Variants in KCNN2 observed in about 807,000 individuals in gnomAD.
KCNN2 encodes the protein small conductance calcium-activated potassium channel protein 2.
KCNN2 carries 24 observed loss-of-function variants against 55.5 expected under a neutral mutation model. The ratio of observed to expected loss-of-function variants is 0.43; its 90% confidence interval spans 0.31 to 0.61. The LOEUF is 0.61. KCNN2 is among the 20% of genes least tolerant of loss of function. The pLI, the probability that KCNN2 is intolerant of heterozygous loss-of-function variation, is 0.08. For missense variants in KCNN2, 754 were observed against 853.6 expected, an observed-to-expected ratio of 0.88 and a Z score of 1.45; for synonymous variants, 431 against 336.1, an observed-to-expected ratio of 1.28 and a Z score of -3.09.
intron 1 of KCNN2, among the ~76,000 whole-genome samples, chr5:114,088,711 C>T (rs1374999841): frequency 6.6e-6 from 1 of 152,150 alleles, no homozygotes; most frequent in Non-Finnish European, 1.5e-5. Context: ...CCTCTGCCTC[C>T]TGGGTTAAGA....
intron 1 of KCNN2, among the ~76,000 whole-genome samples, chr5:114,192,667 C>T (rs771946592): frequency 4.6e-5 from 7 of 152,048 alleles, no homozygotes; most frequent in South Asian, 4.1e-4. Context: ...GGTCATATGT[C>T]GACCTGGAAA....
chr5:114,465,255 T>C (rs569288902), intron 4 of KCNN2, among the ~76,000 whole-genome samples: 1 of 152,304 alleles, frequency 6.6e-6, no homozygotes, highest in Admixed American at 6.5e-5. Flanking sequence ...AGTACAAATC[T>C]TTTATTTACC....
rs1328657017 is a variant in KCNN2 at position 114,241,770 on chromosome 5, A to ACG, written c.-185+20205_-185+20206insCG. On this transcript the variant is annotated intron_variant, in intron 2 of 10. Transcript: ENST00000512097. The stretch of plus-strand genomic sequence containing the variant: ...TATATATGTATATATATACGTATAT[A>ACG]TATACATATATACGTATATATATGT... Among the ~76,000 whole-genome samples the ACG allele has an allele frequency of 5.7e-4, 7 of 12,330 alleles. 2 individuals carry two copies. Among genetic ancestry groups the ACG allele is most frequent in the African/African-American group, 2.5e-3 (7 of 2,834 alleles). 8.1% of individuals were successfully genotyped at this position (12,330 alleles called of 152,430 possible).
intron 6 of KCNN2, among the ~76,000 whole-genome samples, chr5:114,489,743 G>C (rs895767921): frequency 6.6e-6 from 1 of 152,150 alleles, no homozygotes; most frequent in Non-Finnish European, 1.5e-5. Context: ...TGAAGTCATA[G>C]GGGAAGCACA....
chr5:114,212,452 T>C (rs184141314), intron 1 of KCNN2, among the ~76,000 whole-genome samples: 1 of 152,144 alleles, frequency 6.6e-6, no homozygotes, highest in East Asian at 1.9e-4. Flanking sequence ...TGTTCTAAAA[T>C]TGTGGCGATG....
At chr5:114,391,075 A>C (rs1234354796) in intron 2 of KCNN2, among the ~76,000 whole-genome samples, 1 of 152,144 alleles carries the variant, frequency 6.6e-6, no homozygotes, top group African/African-American at 2.4e-5. Context: ...AGGAGAAGAC[A>C]ATTTCAGAAA....
intron 1 of KCNN2, among the ~76,000 whole-genome samples, chr5:114,195,743 A>C (rs1185015855): frequency 6.6e-6 from 1 of 152,038 alleles, no homozygotes; most frequent in African/African-American, 2.4e-5. Flanking sequence ...GAGAGCAGAC[A>C]TCCTTGTCTT....
rs898526537 is a variant in KCNN2 at position 114,298,741 on chromosome 5, A to G, written c.-184-62204A>G. On this transcript the variant is annotated intron_variant, in intron 2 of 10. Coordinates refer to the KCNN2 transcript ENST00000512097. Reference sequence around the variant, plus strand: ...TTTTTCAAATTTTCTGTTTTCCAAAATTCTATAATTCAAATTCACTATTTT... The same window carrying G: ...TTTTTCAAATTTTCTGTTTTCCAAAGTTCTATAATTCAAATTCACTATTTT... Among the ~76,000 whole-genome samples the G allele has an allele frequency of 2.6e-5, 4 of 152,304 alleles. No individual in the cohort carries two copies. In the South Asian group the frequency reaches 8.3e-4, roughly 32 times the overall value.
chr5:114,186,839 G>C (rs1753343776), intron 1 of KCNN2, among the ~76,000 whole-genome samples: 1 of 152,152 alleles, frequency 6.6e-6, no homozygotes, highest in South Asian at 2.1e-4. Flanking sequence ...AAGGAGAGAG[G>C]ATACATATTT....
At chr5:114,139,465 C>CA (rs1037474254) in intron 1 of KCNN2, among the ~76,000 whole-genome samples, 1 of 150,008 alleles carries the variant, frequency 6.7e-6, no homozygotes, top group African/African-American at 2.4e-5. Flanking sequence ...AACCACCCCC[C>CA]CCACACACAC....
intron 2 of KCNN2, among the ~76,000 whole-genome samples, chr5:114,348,995 AC>A (rs61020984): frequency 0.37 from 55,414 of 151,690 alleles, 11,678 homozygotes; most frequent in East Asian, 0.84. Flanking sequence ...CCATCACCAC[AC>A]TCCAGTTTAA....
chr5:114,377,156 T>G (rs768479154), intron 2 of KCNN2, among the ~76,000 whole-genome samples: 2 of 152,210 alleles, frequency 1.3e-5, no homozygotes, highest in African/African-American at 2.4e-5. Flanking sequence ...GAGGAGCAGC[T>G]CTTCCTACCC....
chr5:114,361,646 G>GT (rs765453977), upstream of KCNN2, among the ~76,000 whole-genome samples: 3 of 54,976 alleles, frequency 5.5e-5, no homozygotes, highest in Non-Finnish European at 1.2e-4. Context: ...CCCTGAGCCT[G>GT]CCCCCGGCCA....
chr5:114,143,155 A>G (rs1335013051), intron 1 of KCNN2, among the ~76,000 whole-genome samples: 3 of 152,176 alleles, frequency 2.0e-5, no homozygotes, highest in Non-Finnish European at 4.4e-5. Context: ...GGGTGGGGGT[A>G]GATTAGTAAG....
In KCNN2 at chr5:114,145,753, C is replaced by T. The variant is rs570928815; in HGVS notation, c.-270-75727C>T. Among the ~76,000 whole-genome samples the T allele has an allele frequency of 3.3e-5, 5 of 152,160 alleles. No homozygotes were observed. The East Asian group carries it at 7.7e-4, about 24-fold the overall frequency. On this transcript the variant is annotated intron_variant, in intron 1 of 10. Transcript: ENST00000512097. ...ATAAGAGGAGGAAAAGGAATATAGG[C>T]CCAATATGTATAGTTTTTAACAGTC...
intron 1 of KCNN2, among the ~76,000 whole-genome samples, chr5:114,160,608 A>T (rs890448825): frequency 4.6e-5 from 7 of 152,144 alleles, no homozygotes; most frequent in African/African-American, 1.4e-4. Flanking sequence ...GTGGGGTGTT[A>T]AAGTCTCCCA....
chr5:114,089,740 A>G (rs1751096741), intron 1 of KCNN2, among the ~76,000 whole-genome samples: 1 of 152,130 alleles, frequency 6.6e-6, no homozygotes, highest in South Asian at 2.1e-4. Context: ...AGGCAACAAT[A>G]ATTTCAATTT....
At chr5:114,267,918 C>T (rs558580346) in intron 2 of KCNN2, among the ~76,000 whole-genome samples, 5 of 152,320 alleles carry the variant, frequency 3.3e-5, no homozygotes, top group African/African-American at 7.2e-5. Context: ...GTGTTTCTCT[C>T]TCTCCCCTCA....
intron 2 of KCNN2, among the ~76,000 whole-genome samples, chr5:114,226,589 G>A (rs1332963573): frequency 2.0e-5 from 3 of 152,082 alleles, no homozygotes; most frequent in Non-Finnish European, 4.4e-5. Flanking sequence ...AATAATAAAA[G>A]TTATTAAGCA....
Sources: gnomAD v4.1 joint callset for allele counts (sites outside exome capture counted in the v4.1 genomes callset) on GRCh38, gnomAD v4.1.1 for gene constraint, MANE v1.5 for transcripts, NCBI Gene and HGNC (gene_info 2026-07-23, HGNC 2026-07-21) for gene names.